UBR4: variants seen among roughly 807,000 people sequenced by gnomAD.
The protein encoded by UBR4 is ubiquitin protein ligase E3 component n-recognin 4.
Under a neutral mutation model 575.6 loss-of-function variants are expected in UBR4, and 124 were observed. That is an observed-to-expected ratio of 0.22 (90% confidence interval 0.19 to 0.25). The LOEUF (loss-of-function observed/expected upper bound fraction) is 0.25. UBR4 is among the 10% of genes least tolerant of loss of function. The pLI is 1.00. For missense variants in UBR4, 4,818 were observed against 6,478.8 expected, an observed-to-expected ratio of 0.74 and a Z score of 8.80; for synonymous variants, 2,455 against 2,473.7, an observed-to-expected ratio of 0.99 and a Z score of 0.22.
intron 54 of UBR4, 91 bp downstream of exon 54, chr1:19,144,695 A>T: frequency 6.6e-7 from 1 of 1,509,826 alleles, no homozygotes; most frequent in Non-Finnish European, 8.9e-7. Context: ...TCCTCTAAAT[A>T]TATTTTATTT....
intron 56 of UBR4, 35 bp downstream of exon 56, chr1:19,141,612 C>T: frequency 1.9e-6 from 3 of 1,609,192 alleles, no homozygotes; most frequent in Non-Finnish European, 2.5e-6. Context: ...AGTTGTGAAG[C>T]TCCTCCTCCC....
chr1:19,187,099 T>A, intron 13 of UBR4, 65 bp downstream of exon 13: 2 of 1,021,292 alleles, frequency 2.0e-6, no homozygotes, highest in Non-Finnish European at 2.6e-6. Context: ...TATATATACA[T>A]ATATATATCA....
At chr1:19,084,127 G>A (rs1351613548) in intron 102 of UBR4, among the ~76,000 whole-genome samples, 1 of 152,160 alleles carries the variant, frequency 6.6e-6, no homozygotes, top group East Asian at 1.9e-4. Context: ...GCACAGCTCC[G>A]ACCTGTGGCC....
chr1:19,208,039 C>T (rs985582315), intron 1 of UBR4, among the ~76,000 whole-genome samples: 29 of 152,206 alleles, frequency 1.9e-4, no homozygotes, highest in African/African-American at 4.8e-4. Flanking sequence ...TTTAGCTGTT[C>T]TCACTGTAAA....
intron 102 of UBR4, 85 bp downstream of exon 102, chr1:19,084,419 G>A (rs79727477): frequency 0.026 from 36,330 of 1,389,446 alleles, 605 homozygotes; most frequent in South Asian, 0.058. Flanking sequence ...TAGCATGAGA[G>A]GCTATGAAAA....
At chr1:19,206,969 A>G (rs774128955) in intron 1 of UBR4, among the ~76,000 whole-genome samples, 2 of 152,230 alleles carry the variant, frequency 1.3e-5, no homozygotes, top group African/African-American at 2.4e-5. Flanking sequence ...ATCATTCTCA[A>G]TGGTCAAGAG....
intron 1 of UBR4, 141 bp downstream of exon 1, chr1:19,209,932 C>A: frequency 7.5e-7 from 1 of 1,334,920 alleles, no homozygotes; most frequent in Non-Finnish European, 9.6e-7. Context: ...CCAGTCTCCC[C>A]GGGCCCGGGA....
chr1:19,100,399 G>A lies in UBR4; in HGVS notation c.13198C>T (p.Leu4400=). The part of the protein sequence containing the change: ...ICQDCDLVAL[L]EDDSGMELLV... ...ACCTCCATGCCACTGTCATCTTCCA[G>A]GAGGGCCACTAAGTCACAGTCCTGG... Residue 4400 remains leucine (L), a synonymous_variant, in exon 89 of 106, where the codon CTG becomes TTG. Transcript: ENST00000375254. This position sits in a 1 kb window ranked among gnomAD's most constrained non-coding sequence, Gnocchi z 4.2. 1 of 1,614,168 alleles carries A rather than the reference G, an allele frequency of 6.2e-7. No individual in the cohort carries two copies. The highest frequency in any genetic ancestry group is 8.5e-7 in the Non-Finnish European group (1 of 1,180,022).
Position 19,192,471 on chromosome 1 carries a change from C to A in UBR4, c.1203+10G>T, listed in dbSNP as rs535185756. 1 of 1,614,168 alleles carries A rather than the reference C, an allele frequency of 6.2e-7. No individual in the cohort carries two copies. Among genetic ancestry groups the A allele is most frequent in the Non-Finnish European group, 8.5e-7 (1 of 1,180,026 alleles). ...AGGAAGTATGCAGCAGAGACAGATACGCTTCTTACCTCACCACCAGCCCGG... is the reference window on the plus strand; with the variant it reads ...AGGAAGTATGCAGCAGAGACAGATAAGCTTCTTACCTCACCACCAGCCCGG... On this transcript the variant is annotated intron_variant, in intron 10 of 105. Coordinates refer to ENST00000375254, the MANE Select transcript of UBR4 (RefSeq NM_020765.3).
chr1:19,122,349 C>T (rs1410982401), intron 66 of UBR4, among the ~76,000 whole-genome samples: 5 of 152,196 alleles, frequency 3.3e-5, no homozygotes, highest in South Asian at 2.1e-4. Context: ...TGATATATAA[C>T]GATAAGCAAG....
chr1:19,107,087 A>G, intron 81 of UBR4, 121 bp from the exon 82 acceptor site: 5 of 1,402,502 alleles, frequency 3.6e-6, no homozygotes, highest in Non-Finnish European at 3.9e-6. Context: ...CAGGAGGATC[A>G]ACACGTGTAT....
intron 60 of UBR4, among the ~76,000 whole-genome samples, chr1:19,134,458 A>G (rs1298345352): frequency 6.6e-6 from 1 of 152,164 alleles, no homozygotes; most frequent in African/African-American, 2.4e-5. Flanking sequence ...GTAAACTAAG[A>G]AAGATTATCA....
chr1:19,129,666 A>G (rs575783271), intron 60 of UBR4, among the ~76,000 whole-genome samples: 100 of 152,322 alleles, frequency 6.6e-4, no homozygotes, highest in African/African-American at 2.3e-3. Flanking sequence ...CGTATAATCA[A>G]CTGGCCATTA....
intron 49 of UBR4, among the ~76,000 whole-genome samples, chr1:19,149,179 C>A (rs1055560647): frequency 1.6e-4 from 24 of 152,064 alleles, no homozygotes; most frequent in African/African-American, 5.6e-4. Flanking sequence ...AAAACTTTTC[C>A]CCTTAGGAAA....
chr1:19,190,826 G>A (rs1047768563), intron 11 of UBR4, among the ~76,000 whole-genome samples: 1 of 152,116 alleles, frequency 6.6e-6, no homozygotes, highest in African/African-American at 2.4e-5. Context: ...GCTGCTAACT[G>A]TTCTCCCTCC....
chr1:19,157,527 C>T lies in UBR4; in HGVS notation c.5760+288G>A, dbSNP rs1447588475. On this transcript the variant is annotated intron_variant, in intron 40 of 105. Coordinates refer to ENST00000375254, the MANE Select transcript of UBR4 (RefSeq NM_020765.3). This position sits in a 1 kb window ranked among gnomAD's most constrained non-coding sequence, Gnocchi z 4.4. Reference sequence around the variant, plus strand: ...AGGGCAAGACTGGGAGCCAAGCCGTCCTCGGTAACTGCTAATCATTACTTT... The same window carrying T: ...AGGGCAAGACTGGGAGCCAAGCCGTTCTCGGTAACTGCTAATCATTACTTT... 6.6e-6 allele frequency among the ~76,000 whole-genome samples: 1 copy of T among 152,232 alleles called. No homozygotes were observed. Among genetic ancestry groups the T allele is most frequent in the Non-Finnish European group, 1.5e-5 (1 of 68,046 alleles).
In UBR4 at chr1:19,089,033, T is replaced by C; in HGVS notation, c.14212-56A>G. Reference sequence around the variant, plus strand: ...CTCCAATTATGTAGACAAACCTTCTTCCCGGGAGCTTAAAGGTTTAGAAAC... The same window carrying C: ...CTCCAATTATGTAGACAAACCTTCTCCCCGGGAGCTTAAAGGTTTAGAAAC... On this transcript the variant is annotated intron_variant, in intron 97 of 105. Transcript: ENST00000375254. This position sits in a 1 kb window ranked among gnomAD's most constrained non-coding sequence, Gnocchi z 4.3. 4 of 1,565,790 alleles carry C rather than the reference T, an allele frequency of 2.6e-6. No individual in the cohort carries two copies. The highest frequency in any genetic ancestry group is 3.5e-6 in the Non-Finnish European group (4 of 1,146,830).
chr1:19,160,393 C>T, intron 38 of UBR4, 112 bp from the exon 39 acceptor site: 1 of 1,037,716 alleles, frequency 9.6e-7, no homozygotes, highest in Admixed American at 2.8e-5. Context: ...AGCTACTTCA[C>T]TTCCAGTTGG....
chr1:19,092,448 T>C (rs577425577), intron 97 of UBR4, among the ~76,000 whole-genome samples: 2 of 151,376 alleles, frequency 1.3e-5, no homozygotes, highest in Non-Finnish European at 2.9e-5. Context: ...CGGAGTGGAA[T>C]GGGTGGGACT....
Sources: allele counts gnomAD v4.1 joint callset (sites outside exome capture counted in the v4.1 genomes callset), GRCh38; gene constraint gnomAD v4.1.1; non-coding constraint Gnocchi (gnomAD v3.1); transcripts MANE v1.5; gene names NCBI Gene and HGNC (gene_info 2026-07-23, HGNC 2026-07-21).